Variants in PELI2 observed in about 807,000 individuals in gnomAD.
The protein encoded by PELI2 is pellino E3 ubiquitin protein ligase family member 2.
A neutral mutation model predicts 42.3 loss-of-function variants in PELI2; 23 were observed. The ratio of observed to expected loss-of-function variants is 0.54; its 90% confidence interval spans 0.39 to 0.77. The LOEUF (loss-of-function observed/expected upper bound fraction) is 0.77, where lower values mean the gene tolerates loss of function less well. Ranked by LOEUF, PELI2 falls within the 30% of genes least tolerant of loss-of-function variation. The pLI is 0.00. For synonymous variants in PELI2, 245 were observed against 212.2 expected (o/e 1.15, Z -1.34); for missense variants, 463 against 553.2 (o/e 0.84, Z 1.64).
chr14:56,225,517 C>T (rs975231968), intron 2 of PELI2, among the ~76,000 whole-genome samples: 1 of 152,174 alleles, frequency 6.6e-6, no homozygotes, highest in African/African-American at 2.4e-5. Context: ...CCACGTTGGG[C>T]TGAATGGAGC....
chr14:56,139,239 G>A (rs190524928), intron 1 of PELI2, among the ~76,000 whole-genome samples: 24 of 152,294 alleles, frequency 1.6e-4, no homozygotes, highest in Admixed American at 1.6e-3. Context: ...GGAAGGTGGA[G>A]GAGGAGGGAG....
intron 5 of PELI2, among the ~76,000 whole-genome samples, chr14:56,292,272 G>A (rs900722454): frequency 9.2e-5 from 14 of 152,174 alleles, no homozygotes; most frequent in African/African-American, 3.4e-4. Flanking sequence ...AACCTGGCCA[G>A]TTACAAAGGC....
intron 2 of PELI2, among the ~76,000 whole-genome samples, chr14:56,261,232 T>C (rs1209677306): frequency 6.6e-6 from 1 of 152,198 alleles, no homozygotes; most frequent in African/African-American, 2.4e-5. Context: ...AACTGTGTCC[T>C]GTGATGCCAC....
chr14:56,221,972 A>G (rs1415100614), intron 2 of PELI2, among the ~76,000 whole-genome samples: 1 of 152,154 alleles, frequency 6.6e-6, no homozygotes, highest in East Asian at 1.9e-4. Context: ...AAGAGACTAC[A>G]CAGCAAGAAG....
At chr14:56,152,301 T>TG (rs1485759729) in intron 1 of PELI2, among the ~76,000 whole-genome samples, 1 of 152,142 alleles carries the variant, frequency 6.6e-6, no homozygotes, top group Non-Finnish European at 1.5e-5. Context: ...ATTCATAAAA[T>TG]GGGGGTAATA....
intron 1 of PELI2, among the ~76,000 whole-genome samples, chr14:56,147,690 C>T (rs765713695): frequency 5.3e-5 from 8 of 152,204 alleles, no homozygotes; most frequent in Admixed American, 1.3e-4. Flanking sequence ...GCTAAAACAA[C>T]ATCGTTATAA....
intron 2 of PELI2, among the ~76,000 whole-genome samples, chr14:56,206,527 T>G (rs1364841999): frequency 1.5e-5 from 2 of 132,472 alleles, no homozygotes; most frequent in Non-Finnish European, 3.3e-5. Flanking sequence ...CTTAAAAATG[T>G]GTTATTTCTA....
rs926471152 is a variant in PELI2 at position 56,297,989 on chromosome 14, A to G, written c.*823A>G. 2 of 152,150 alleles carry G rather than the reference A, an allele frequency of 1.3e-5. No homozygotes were observed. Among genetic ancestry groups the G allele is most frequent in the Admixed American group, 6.5e-5 (1 of 15,280 alleles). 9.4% of individuals were successfully genotyped at this position (152,150 alleles called of 1,614,324 possible). A position where few individuals can be genotyped will look rare whatever the true frequency, so the allele number is the denominator to read the frequency against. ...TAACTGAGGGTAATTACAGTAGTAG[A>G]CATGGTCTGGGTACTATACTACCAT... is the stretch of plus-strand genomic sequence containing the variant. On this transcript the variant is annotated 3_prime_UTR_variant, in exon 6 of 6. Transcript: ENST00000267460.
chr14:56,122,871 TTAAGTA>T (rs1883114475), intron 1 of PELI2, among the ~76,000 whole-genome samples: 1 of 152,230 alleles, frequency 6.6e-6, no homozygotes. Flanking sequence ...CTTTTGATAT[TTAAGTA>T]TAAGTGATTC....
chr14:56,256,167 C>T (rs1888520953), intron 2 of PELI2, among the ~76,000 whole-genome samples: 1 of 152,088 alleles, frequency 6.6e-6, no homozygotes, highest in South Asian at 2.1e-4. Context: ...GTGGCTCATG[C>T]CTGTAATCCT....
At chr14:56,177,986 G>A (rs1464491262) in intron 1 of PELI2, among the ~76,000 whole-genome samples, 1 of 152,192 alleles carries the variant, frequency 6.6e-6, no homozygotes, top group Admixed American at 6.5e-5. Context: ...TATCTCTGGG[G>A]TCTATTAGAA....
At chr14:56,284,350 A>G (rs562744574) in intron 3 of PELI2, among the ~76,000 whole-genome samples, 1 of 152,318 alleles carries the variant, frequency 6.6e-6, no homozygotes, top group East Asian at 1.9e-4. Context: ...AATGGAAGGA[A>G]TTAGAGGGGT....
chr14:56,197,525 G>A lies in PELI2; in HGVS notation c.207+19061G>A, dbSNP rs1886170885. On this transcript the variant is annotated intron_variant, in intron 2 of 5. Transcript: ENST00000267460. This position sits in a 1 kb window ranked among gnomAD's most constrained non-coding sequence, Gnocchi z 4.9. ...GAAGCGGGTGTTCTGGCTTTGATAT[G>A]GAAGGAAAGGATGGAAGCACAGAGA... 6.6e-6 allele frequency among the ~76,000 whole-genome samples: 1 copy of A among 152,100 alleles called. No individual in the cohort carries two copies.
chr14:56,161,609 A>G (rs1416737279), intron 1 of PELI2, among the ~76,000 whole-genome samples: 1 of 152,220 alleles, frequency 6.6e-6, no homozygotes, highest in East Asian at 1.9e-4. Flanking sequence ...TATCTTGCCT[A>G]CCTGGCTGAG....
chr14:56,233,632 G>A (rs1281264951), intron 2 of PELI2, among the ~76,000 whole-genome samples: 1 of 152,114 alleles, frequency 6.6e-6, no homozygotes, highest in African/African-American at 2.4e-5. Flanking sequence ...TTAAACGTAA[G>A]ACCTAAAACC....
At chr14:56,202,595 A>T (rs1038987053) in intron 2 of PELI2, among the ~76,000 whole-genome samples, 54 of 152,100 alleles carry the variant, frequency 3.6e-4, no homozygotes, top group East Asian at 5.8e-4. Context: ...TGATATTTGG[A>T]TGTCTGTTCA....
At chr14:56,285,175 G>C (rs1889605828) in intron 3 of PELI2, among the ~76,000 whole-genome samples, 1 of 152,194 alleles carries the variant, frequency 6.6e-6, no homozygotes, top group South Asian at 2.1e-4. Flanking sequence ...TAAGGTGATA[G>C]AACCCAAGTA....
chr14:56,260,181 G>A lies in PELI2; in HGVS notation c.208-19495G>A, dbSNP rs1008198773. ...CTCTAGGTATTTACCCAGGAGAAAT[G>A]TATATATCCCCAGATATATACATTT... On this transcript the variant is annotated intron_variant, in intron 2 of 5. Coordinates refer to ENST00000267460, the MANE Select transcript of PELI2 (RefSeq NM_021255.3). Among the ~76,000 whole-genome samples, 7 of 152,048 alleles carry A rather than the reference G, an allele frequency of 4.6e-5. No homozygotes were observed. The South Asian group carries it at 8.3e-4, about 18-fold the overall frequency.
intron 1 of PELI2, among the ~76,000 whole-genome samples, chr14:56,138,474 T>G (rs868487050): frequency 6.6e-6 from 1 of 150,598 alleles, no homozygotes; most frequent in Admixed American, 6.6e-5. Context: ...TTTTTTTTTT[T>G]AAAGACTGAA....
Sources: allele counts gnomAD v4.1 joint callset (sites outside exome capture counted in the v4.1 genomes callset), GRCh38; gene constraint gnomAD v4.1.1; non-coding constraint Gnocchi (gnomAD v3.1); transcripts MANE v1.5; gene names NCBI Gene and HGNC (gene_info 2026-07-23, HGNC 2026-07-21).